The following PEPD variants were observed in gnomAD, a reference collection of about 807,000 sequenced individuals.
PEPD encodes the protein xaa-Pro dipeptidase.
PEPD carries 53 observed loss-of-function variants against 60.7 expected under a neutral mutation model. That is an observed-to-expected ratio of 0.87 (90% CI 0.70 to 1.10). The LOEUF (loss-of-function observed/expected upper bound fraction) is 1.10, where lower values mean the gene tolerates loss of function less well. PEPD is among the 50% of genes least tolerant of loss of function. The pLI, the probability that PEPD is intolerant of heterozygous loss-of-function variation, is 0.00. For synonymous variants in PEPD, 267 were observed against 284.1 expected (o/e 0.94, Z 0.60); for missense variants, 711 against 711.9 (o/e 1.00, Z 0.01).
At chr19:33,432,010 A>AAAAAAAAG (rs1031542443) in intron 9 of PEPD, among the ~76,000 whole-genome samples, 3 of 147,514 alleles carry the variant, frequency 2.0e-5, no homozygotes, top group African/African-American at 7.7e-5. Context: ...AAAAAAAAAA[A>AAAAAAAAG]GGGAAGATTA....
intron 10 of PEPD, among the ~76,000 whole-genome samples, chr19:33,412,434 AGGG>A (rs1393320080): frequency 6.6e-6 from 1 of 152,144 alleles, no homozygotes; most frequent in African/African-American, 2.4e-5. Flanking sequence ...TGGTGGCCAA[AGGG>A]GAGAGGGCCT....
chr19:33,493,468 G>T, intron 4 of PEPD, 131 bp from the exon 5 acceptor site: 1 of 739,594 alleles, frequency 1.4e-6, no homozygotes, highest in Non-Finnish European at 2.5e-6. Context: ...CGTGGGCGCT[G>T]CCCTCACCCT....
intron 9 of PEPD, among the ~76,000 whole-genome samples, chr19:33,442,606 G>A (rs1969504123): frequency 6.6e-6 from 1 of 151,852 alleles, no homozygotes; most frequent in Non-Finnish European, 1.5e-5. Context: ...CTACTCGGGA[G>A]GCTGAGGCAG....
rs756414069 is a variant in PEPD, at chr19:33,391,431, T to G, written c.1016A>C (p.Glu339Ala). 29 of 1,565,536 alleles carry G rather than the reference T, an allele frequency of 1.9e-5. No homozygotes were observed. In the East Asian group the frequency reaches 6.2e-4, roughly 33 times the overall value. Residue 339 changes from glutamate (E) to alanine (A), a missense_variant, in exon 13 of 15, where the codon GAG becomes GCG. Physicochemically the swap from Glu to Ala is moderately radical, Grantham distance 107. Transcript: ENST00000244137. ...MHRLADRIHL[E>A]ELAHMGILSG... ...CAGGATGCCCATGTGGGCCAGCTCC[T>G]CCAGGTGGATGCGGTCAGCCAGGCG...
At chr19:33,411,240 C>T (rs543513996) in intron 11 of PEPD, among the ~76,000 whole-genome samples, 1 of 152,292 alleles carries the variant, frequency 6.6e-6, no homozygotes, top group South Asian at 2.1e-4. Context: ...AGGAGGATGG[C>T]AGGTTTCAGA....
intron 7 of PEPD, among the ~76,000 whole-genome samples, chr19:33,468,953 G>A (rs1970071360): frequency 6.6e-6 from 1 of 152,160 alleles, no homozygotes; most frequent in African/African-American, 2.4e-5. Flanking sequence ...CAGGACAGGG[G>A]CCAGCAGCTC....
intron 9 of PEPD, among the ~76,000 whole-genome samples, chr19:33,436,910 G>A (rs1031064867): frequency 6.6e-6 from 1 of 152,242 alleles, no homozygotes; most frequent in Non-Finnish European, 1.5e-5. Context: ...ACAGGGAGGA[G>A]GGAGATCTTG....
chr19:33,393,797 G>A (rs952510900), intron 12 of PEPD, among the ~76,000 whole-genome samples: 2 of 152,180 alleles, frequency 1.3e-5, no homozygotes, highest in Non-Finnish European at 2.9e-5. Context: ...GGCCCACCTC[G>A]CCCTTCCTCT....
intron 12 of PEPD, among the ~76,000 whole-genome samples, chr19:33,400,592 T>C (rs969592897): frequency 2.0e-5 from 3 of 152,214 alleles, no homozygotes; most frequent in Non-Finnish European, 2.9e-5. Flanking sequence ...GTGGGAGCCA[T>C]GTGCCTGTAG....
intron 7 of PEPD, among the ~76,000 whole-genome samples, chr19:33,471,582 C>T (rs1408878106): frequency 6.6e-6 from 1 of 152,122 alleles, no homozygotes; most frequent in Non-Finnish European, 1.5e-5. Context: ...CTTGTCTGCC[C>T]CAGGGGATGT....
chr19:33,427,299 G>A (rs975486689), intron 9 of PEPD, among the ~76,000 whole-genome samples: 1 of 151,600 alleles, frequency 6.6e-6, no homozygotes, highest in Non-Finnish European at 1.5e-5. Context: ...GTGCCCCATC[G>A]GGGACCTCTC....
At chr19:33,475,103 T>C (rs1970191330) in intron 7 of PEPD, among the ~76,000 whole-genome samples, 2 of 151,962 alleles carry the variant, frequency 1.3e-5, no homozygotes, top group African/African-American at 4.8e-5. Context: ...ATGAGTTAGG[T>C]TTCACCACAT....
chr19:33,441,562 C>T (rs1969480548), intron 9 of PEPD, among the ~76,000 whole-genome samples: 1 of 152,254 alleles, frequency 6.6e-6, no homozygotes, highest in South Asian at 2.1e-4. Context: ...CCTTCCCCAC[C>T]ACCAGGGTAG....
At chr19:33,496,766 G>A (rs773856974) in intron 4 of PEPD, among the ~76,000 whole-genome samples, 3 of 152,236 alleles carry the variant, frequency 2.0e-5, no homozygotes, top group Non-Finnish European at 4.4e-5. Context: ...TCTGGCAGAT[G>A]GAGCTGGATG....
intron 9 of PEPD, among the ~76,000 whole-genome samples, chr19:33,417,904 C>T (rs2145374011): frequency 6.6e-6 from 1 of 152,350 alleles, no homozygotes; most frequent in East Asian, 1.9e-4. Flanking sequence ...TTCCTGGGCC[C>T]ACACACTCCC....
intron 9 of PEPD, among the ~76,000 whole-genome samples, chr19:33,437,877 T>C (rs955345416): frequency 6.6e-6 from 1 of 152,212 alleles, no homozygotes; most frequent in African/African-American, 2.4e-5. Context: ...AATCTCATTG[T>C]TGGAAGAGGC....
chr19:33,504,595 C>G (rs765863248), intron 3 of PEPD, among the ~76,000 whole-genome samples: 1 of 152,120 alleles, frequency 6.6e-6, no homozygotes, highest in Non-Finnish European at 1.5e-5. Flanking sequence ...AAAACCCTAT[C>G]TCTACTAAAA....
rs149050786 is a variant in PEPD, at chr19:33,454,555, T to C, written c.671+8440A>G. Among the ~76,000 whole-genome samples the C allele has an allele frequency of 5.7e-3, 862 of 151,682 alleles. 9 individuals are homozygous for C. The highest frequency in any genetic ancestry group is 0.02 in the African/African-American group (821 of 41,286). On this transcript the variant is annotated intron_variant, in intron 9 of 14. Coordinates refer to ENST00000244137, the MANE Select transcript of PEPD (RefSeq NM_000285.4). ...ACGTGGAGGTCGCAGTGAGCCGAGA[T>C]TGTACCACTGCACTCCAGCCTCGGT...
At chr19:33,401,649 C>CACA (rs1968492734) in intron 12 of PEPD, 72 bp downstream of exon 12, 1 of 1,402,488 alleles carries the variant, frequency 7.1e-7, no homozygotes, top group Non-Finnish European at 9.9e-7. Context: ...CCGTTCCCTG[C>CACA]AGGCACCTGC....
Sources: gnomAD v4.1 joint callset for allele counts (sites outside exome capture counted in the v4.1 genomes callset) on GRCh38, gnomAD v4.1.1 for gene constraint, MANE v1.5 for transcripts, NCBI Gene and HGNC (gene_info 2026-07-23, HGNC 2026-07-21) for gene names.